The following AFAP1 variants were observed in gnomAD, a reference collection of about 807,000 sequenced individuals.
The protein encoded by AFAP1 is actin filament associated protein 1.
A neutral mutation model predicts 93.9 loss-of-function variants in AFAP1; 75 were observed. The observed-to-expected ratio is 0.80, with a 90% confidence interval of 0.66 to 0.97. AFAP1 has a LOEUF of 0.97. AFAP1 is among the 50% of genes least tolerant of loss of function. AFAP1 has a pLI of 0.00. For missense variants in AFAP1, 1,201 were observed against 1,050.8 expected (o/e 1.14, Z -1.98); for synonymous variants, 517 against 430.7 (o/e 1.20, Z -2.48).
chr4:7,924,808 C>T (rs191731300), intron 1 of AFAP1, among the ~76,000 whole-genome samples: 5 of 152,152 alleles, frequency 3.3e-5, no homozygotes, highest in African/African-American at 9.7e-5. Context: ...TCTTCTCTCT[C>T]GACAACCCAG....
intron 3 of AFAP1, among the ~76,000 whole-genome samples, chr4:7,857,218 A>G (rs554247822): frequency 7.4e-4 from 113 of 152,184 alleles, no homozygotes; most frequent in Non-Finnish European, 1.2e-3. Flanking sequence ...AAAAGGTTCT[A>G]TTGAAAGTAT....
intron 1 of AFAP1, among the ~76,000 whole-genome samples, chr4:7,919,798 C>A (rs539795556): frequency 6.6e-6 from 1 of 151,996 alleles, no homozygotes; most frequent in Admixed American, 6.5e-5. Flanking sequence ...TCCCTCCCCT[C>A]GCCCCACCCC....
chr4:7,882,991 C>T (rs530068541), intron 1 of AFAP1, among the ~76,000 whole-genome samples: 8 of 152,014 alleles, frequency 5.3e-5, no homozygotes, highest in African/African-American at 1.9e-4. Context: ...TTGAGACCAG[C>T]CCAGACAACA....
chr4:7,898,175 C>T (rs1718897067), intron 1 of AFAP1, among the ~76,000 whole-genome samples: 1 of 152,060 alleles, frequency 6.6e-6, no homozygotes, highest in Non-Finnish European at 1.5e-5. Context: ...TTTGGTAGGC[C>T]AAGGCGGGTG....
chr4:7,857,446 GC>G (rs1318792565), intron 3 of AFAP1, among the ~76,000 whole-genome samples: 1 of 151,748 alleles, frequency 6.6e-6, no homozygotes, highest in Non-Finnish European at 1.5e-5. Context: ...CCTCCCTCCC[GC>G]CCCCCGTCCT....
chr4:7,809,673 T>C lies in AFAP1; in HGVS notation c.995A>G (p.Lys332Arg). ...KKITKIISLG[K>R]KKPSTDEQTS... ...CTGCTCGTCTGTGGACGGCTTTTTCTTTCCCAGACTGATGATCTTGGTGAT... is the reference window on the plus strand; with the variant it reads ...CTGCTCGTCTGTGGACGGCTTTTTCCTTCCCAGACTGATGATCTTGGTGAT... The change falls in exon 9 of 18, where the codon AAG (lysine) becomes AGG (arginine). Residue 332 changes from lysine to arginine, a missense_variant. Lys to Arg is a conservative substitution (Grantham distance 26). Transcript: ENST00000420658. 2 of 1,614,182 alleles carry C rather than the reference T, an allele frequency of 1.2e-6. No individual in the cohort carries two copies. Among genetic ancestry groups the C allele is most frequent in the Admixed American group, 1.7e-5 (1 of 60,014 alleles).
intron 13 of AFAP1, 132 bp from the exon 14 acceptor site, chr4:7,779,008 G>C (rs542686183): frequency 1.0e-5 from 7 of 677,574 alleles, no homozygotes; most frequent in Admixed American, 5.9e-5. Flanking sequence ...AGGAAAAATC[G>C]AAAGTGAAAG....
At chr4:7,846,953 T>C (rs891938873) in intron 4 of AFAP1, among the ~76,000 whole-genome samples, 3 of 152,220 alleles carry the variant, frequency 2.0e-5, no homozygotes, top group African/African-American at 7.2e-5. Context: ...AAGTAAACTA[T>C]GTTCTAGTAG....
At chr4:7,872,885 G>A (rs1201695421) in intron 1 of AFAP1, among the ~76,000 whole-genome samples, 1 of 149,390 alleles carries the variant, frequency 6.7e-6, no homozygotes, top group Non-Finnish European at 1.5e-5. Context: ...CTATCCTAGC[G>A]GTCATGATAT....
chr4:7,800,830 A>G (rs1198828604), intron 9 of AFAP1, among the ~76,000 whole-genome samples, 177 bp from the exon 10 acceptor site: 1 of 152,258 alleles, frequency 6.6e-6, no homozygotes, highest in Non-Finnish European at 1.5e-5. Flanking sequence ...TGGCTACGGC[A>G]TCACAAGTTT....
intron 1 of AFAP1, among the ~76,000 whole-genome samples, chr4:7,931,733 T>C (rs577451087): frequency 6.6e-6 from 1 of 152,262 alleles, no homozygotes; most frequent in Non-Finnish European, 1.5e-5. Flanking sequence ...TGAAAATGTA[T>C]GGAGAGCTAT....
At chr4:7,855,043 T>G (rs1309216209) in intron 4 of AFAP1, among the ~76,000 whole-genome samples, 1 of 152,214 alleles carries the variant, frequency 6.6e-6, no homozygotes, top group Non-Finnish European at 1.5e-5. Flanking sequence ...CGCCTGTTTG[T>G]GCTGTACCCA....
chr4:7,926,891 A>G (rs973356737), intron 1 of AFAP1, among the ~76,000 whole-genome samples: 2 of 152,156 alleles, frequency 1.3e-5, no homozygotes, highest in Non-Finnish European at 1.5e-5. Flanking sequence ...CCCCGCCACC[A>G]TGCCCAGCTA....
In AFAP1 at chr4:7,836,054, G is replaced by A. The variant is rs141753935; in HGVS notation, c.726+2470C>T. 4.4e-4 allele frequency among the ~76,000 whole-genome samples: 67 copies of A among 152,244 alleles called. 3 individuals carry two copies. The South Asian group carries it at 0.013, about 29-fold the overall frequency. On this transcript the variant is annotated intron_variant, in intron 6 of 17. Transcript: ENST00000420658. The stretch of plus-strand genomic sequence containing the variant: ...TCCATAGGAACAACTGGGGACCCCC[G>A]TGAAAAAGAATGAAGTTGGACCCCT...
intron 4 of AFAP1, among the ~76,000 whole-genome samples, chr4:7,855,157 C>T (rs560461936): frequency 5.3e-5 from 8 of 152,284 alleles, no homozygotes; most frequent in South Asian, 2.1e-4. Context: ...GGCTGTAGCA[C>T]GCACCCAAAA....
intron 6 of AFAP1, among the ~76,000 whole-genome samples, chr4:7,826,568 G>A (rs1466111719): frequency 2.0e-5 from 3 of 152,252 alleles, no homozygotes; most frequent in Non-Finnish European, 4.4e-5. Context: ...AATCAAGCTG[G>A]TTTAGAAAGC....
chr4:7,907,671 G>A (rs1309546229), intron 1 of AFAP1, among the ~76,000 whole-genome samples: 17 of 152,114 alleles, frequency 1.1e-4, no homozygotes, highest in Admixed American at 1.1e-3. Flanking sequence ...CATTGGAGCA[G>A]CTCAGATTTT....
intron 1 of AFAP1, among the ~76,000 whole-genome samples, chr4:7,931,079 T>C (rs1458035139): frequency 6.6e-6 from 1 of 152,122 alleles, no homozygotes; most frequent in Non-Finnish European, 1.5e-5. Flanking sequence ...ACTGAGAGGA[T>C]AGGGGAGAAA....
chr4:7,769,662 A>G (rs906122540), intron 16 of AFAP1, among the ~76,000 whole-genome samples: 2 of 152,084 alleles, frequency 1.3e-5, no homozygotes, highest in Non-Finnish European at 2.9e-5. Flanking sequence ...AAAAAACGCC[A>G]CAGTCTGCTG....
Sources: gnomAD v4.1 joint callset for allele counts (sites outside exome capture counted in the v4.1 genomes callset) on GRCh38, gnomAD v4.1.1 for gene constraint, MANE v1.5 for transcripts, NCBI Gene and HGNC (gene_info 2026-07-23, HGNC 2026-07-21) for gene names.